The following PDZD2 variants were observed in gnomAD, a reference collection of about 807,000 sequenced individuals.
PDZD2 encodes the protein PDZ domain-containing protein 2.
A neutral mutation model predicts 220.7 loss-of-function variants in PDZD2; 90 were observed. The ratio of observed to expected loss-of-function variants is 0.41; its 90% confidence interval spans 0.34 to 0.49. PDZD2 has a LOEUF of 0.49. Ranked by LOEUF, PDZD2 falls within the 20% of genes least tolerant of loss-of-function variation. PDZD2 has a pLI of 0.28. For missense variants in PDZD2, 3,174 were observed against 3,608.5 expected (o/e 0.88, Z 3.08); for synonymous variants, 1,375 against 1,450.5 (o/e 0.95, Z 1.18).
At chr5:31,672,377 G>C (rs900826131) in intron 1 of PDZD2, among the ~76,000 whole-genome samples, 1 of 152,162 alleles carries the variant, frequency 6.6e-6, no homozygotes, top group Non-Finnish European at 1.5e-5. Flanking sequence ...GGTATGCTTT[G>C]GCTGGACCCA....
At chr5:31,783,432 T>G (rs1479901960) in intron 1 of PDZD2, among the ~76,000 whole-genome samples, 1 of 152,128 alleles carries the variant, frequency 6.6e-6, no homozygotes, top group African/African-American at 2.4e-5. Context: ...AGGCCAAGTT[T>G]TTAATCACCT....
At chr5:31,992,316 ATTTG>A (rs1166259756) in intron 3 of PDZD2, among the ~76,000 whole-genome samples, 1 of 152,056 alleles carries the variant, frequency 6.6e-6, no homozygotes, top group African/African-American at 2.4e-5. Context: ...AGCCAGTTTT[ATTTG>A]TTAAGTGTTT....
At chr5:32,043,004 T>C (rs1464852530) in intron 7 of PDZD2, among the ~76,000 whole-genome samples, 1 of 152,216 alleles carries the variant, frequency 6.6e-6, no homozygotes, top group Non-Finnish European at 1.5e-5. Context: ...ACTCAGTCAA[T>C]GCCGGGAAAA....
intron 2 of PDZD2, among the ~76,000 whole-genome samples, chr5:31,969,527 A>AAAAAAAAAAAAAAAAAAC (rs1749091364): frequency 6.7e-6 from 1 of 148,478 alleles, no homozygotes; most frequent in African/African-American, 2.5e-5. Context: ...AAAAAAAAAA[A>AAAAAAAAAAAAAAAAAAC]AAAAAAAACA....
At chr5:31,894,513 CT>C (rs1196745754) in intron 2 of PDZD2, among the ~76,000 whole-genome samples, 2 of 151,934 alleles carry the variant, frequency 1.3e-5, no homozygotes, top group Non-Finnish European at 2.9e-5. Flanking sequence ...ATCAGAATTA[CT>C]TTAAAAAAAT....
At position 31,639,748 on chromosome 5, in the gene PDZD2, G is replaced by A. The variant is rs1342629052; in HGVS notation, c.-361+311G>A. Among the ~76,000 whole-genome samples the A allele has an allele frequency of 6.6e-6, 1 of 152,166 alleles. No individual in the cohort carries two copies. Among genetic ancestry groups the A allele is most frequent in the Admixed American group, 6.5e-5 (1 of 15,288 alleles). ...CCGGGGGTACTCAAGACAGGGCCGG[G>A]ACCTCCTGCTCGGGCGCGCATCCCG... On this transcript the variant is annotated intron_variant, in intron 1 of 24. Coordinates refer to ENST00000438447, the MANE Select transcript of PDZD2 (RefSeq NM_178140.4). This position sits in a 1 kb window ranked among gnomAD's most constrained non-coding sequence, Gnocchi z 4.1.
Position 32,088,375 on chromosome 5 carries a change from G to A in PDZD2, c.4927G>A (p.Ala1643Thr). ...ATACAGCACTCCGAGAGAGTCGGTG[G>A]CCAGTCCCCGTGAGAAGGCCGCCTG... ...LKYSTPRESVASPREKAACLP... is the reference protein window; with the variant it reads ...LKYSTPRESVTSPREKAACLP... The change falls in exon 20 of 25, where the codon GCC (alanine) becomes ACC (threonine). Residue 1643 changes from alanine (A) to threonine (T), a missense_variant. Transcript: ENST00000438447. This position sits in a 1 kb window ranked among gnomAD's most constrained non-coding sequence, Gnocchi z 4.6. 1 of 1,613,730 alleles carries A rather than the reference G, an allele frequency of 6.2e-7. No homozygotes were observed. The highest frequency in any genetic ancestry group is 1.1e-5 in the South Asian group (1 of 91,048).
intron 2 of PDZD2, among the ~76,000 whole-genome samples, chr5:31,845,347 A>G (rs1757527666): frequency 6.6e-6 from 1 of 152,202 alleles, no homozygotes; most frequent in African/African-American, 2.4e-5. Flanking sequence ...TGAACTTTAA[A>G]CCTAGGTCTT....
chr5:31,715,407 T>A (rs925340777), intron 1 of PDZD2, among the ~76,000 whole-genome samples: 5 of 152,194 alleles, frequency 3.3e-5, no homozygotes, highest in African/African-American at 1.2e-4. Flanking sequence ...TCATCCAGCA[T>A]CCCCACTGAG....
chr5:31,850,904 A>C (rs1037739232), intron 2 of PDZD2, among the ~76,000 whole-genome samples: 1 of 152,010 alleles, frequency 6.6e-6, no homozygotes, highest in Non-Finnish European at 1.5e-5. Flanking sequence ...CCAAAGTGCT[A>C]GGATTACAGG....
Position 31,799,438 on chromosome 5 carries a change from C to A in PDZD2, c.190C>A (p.Pro64Thr). 1 of 1,614,168 alleles carries A rather than the reference C, an allele frequency of 6.2e-7. No homozygotes were observed. Among genetic ancestry groups the A allele is most frequent in the African/African-American group, 1.3e-5 (1 of 75,040 alleles). Residue 64 changes from proline (P) to threonine (T), a missense_variant, in exon 2 of 25, where the codon CCC becomes ACC. Coordinates refer to ENST00000438447, the MANE Select transcript of PDZD2 (RefSeq NM_178140.4). ...ESTVPPDHSP[P>T]EMEICTVYLT... Reference sequence around the variant, plus strand: ...TACGGTCCCACCTGATCACAGCCCCCCCGAAATGGAGATCTGTACTGTGTA... The same window carrying A: ...TACGGTCCCACCTGATCACAGCCCCACCGAAATGGAGATCTGTACTGTGTA...
At chr5:32,093,120 C>CCTGGAGAGG in intron 21 of PDZD2, 96 bp downstream of exon 21, 1 of 697,516 alleles carries the variant, frequency 1.4e-6, no homozygotes. Flanking sequence ...GAGCCCGCCC[C>CCTGGAGAGG]GAGTCCTGGA....
At chr5:32,044,222 G>C (rs1315655051) in intron 7 of PDZD2, among the ~76,000 whole-genome samples, 2 of 152,046 alleles carry the variant, frequency 1.3e-5, no homozygotes, top group African/African-American at 4.8e-5. Context: ...GCAGCTACTC[G>C]GGAGGCTGAG....
rs1743063756 is a variant in PDZD2, at chr5:32,090,818, C to A, written c.7370C>A (p.Thr2457Asn). 1 of 1,614,122 alleles carries A rather than the reference C, an allele frequency of 6.2e-7. No homozygotes were observed. Among genetic ancestry groups the A allele is most frequent in the East Asian group, 2.2e-5 (1 of 44,886 alleles). ...GPLGIPTPTM[T>N]LASPVKRNKS... ...TTGGGAATTCCCACCCCAACGATGACCCTGGCTTCTCCTGTTAAGAGGAAC... is the reference window on the plus strand; with the variant it reads ...TTGGGAATTCCCACCCCAACGATGAACCTGGCTTCTCCTGTTAAGAGGAAC... The change falls in exon 20 of 25, where the codon ACC (threonine) becomes AAC (asparagine). Residue 2457 changes from threonine to asparagine, a missense_variant. Around this residue, in one of 4 missense-constraint regions of PDZD2, gnomAD observed 631 missense variants for 789.9 expected, o/e 0.80. Coordinates refer to ENST00000438447, the MANE Select transcript of PDZD2 (RefSeq NM_178140.4). This position sits in a 1 kb window ranked among gnomAD's most constrained non-coding sequence, Gnocchi z 4.3.
At chr5:32,107,681 A>T (rs996973340) in intron 24 of PDZD2, among the ~76,000 whole-genome samples, 2 of 152,298 alleles carry the variant, frequency 1.3e-5, no homozygotes, top group Admixed American at 6.5e-5. Context: ...TTTAGTCTGG[A>T]TGTTAACCAT....
At chr5:32,026,941 C>T (rs1437849907) in intron 6 of PDZD2, among the ~76,000 whole-genome samples, 6 of 152,120 alleles carry the variant, frequency 3.9e-5, no homozygotes, top group South Asian at 2.1e-4. Context: ...CTCGCTCTGT[C>T]GCCCAGGCTG....
chr5:31,881,255 G>A (rs1237712960), intron 2 of PDZD2, among the ~76,000 whole-genome samples: 2 of 150,444 alleles, frequency 1.3e-5, no homozygotes, highest in African/African-American at 2.4e-5. Flanking sequence ...GACTTGCTTT[G>A]TAAATTAGGG....
chr5:31,958,416 G>A (rs1003006083), intron 2 of PDZD2, among the ~76,000 whole-genome samples: 4 of 151,918 alleles, frequency 2.6e-5, no homozygotes, highest in Non-Finnish European at 5.9e-5. Context: ...ACTGCGCCTA[G>A]CTAATTTTTG....
At chr5:31,692,670 C>A (rs1230960419) in intron 1 of PDZD2, among the ~76,000 whole-genome samples, 3 of 152,224 alleles carry the variant, frequency 2.0e-5, no homozygotes, top group African/African-American at 7.2e-5. Context: ...AGGCATTGTG[C>A]CATTCCTAGG....
Sources: allele counts gnomAD v4.1 joint callset (sites outside exome capture counted in the v4.1 genomes callset), GRCh38; gene constraint gnomAD v4.1.1; regional missense constraint gnomAD v4.1.1; non-coding constraint Gnocchi (gnomAD v3.1); transcripts MANE v1.5; gene names NCBI Gene and HGNC (gene_info 2026-07-23, HGNC 2026-07-21).